Variants in UVSSA observed in about 807,000 individuals in gnomAD.
The protein encoded by UVSSA is UV stimulated scaffold protein A, also known as UV-stimulated scaffold protein A.
UVSSA carries 72 observed loss-of-function variants against 73.9 expected under a neutral mutation model. The observed-to-expected ratio is 0.97, with a 90% CI of 0.81 to 1.19. UVSSA has a LOEUF of 1.19. Ranked by LOEUF, UVSSA falls within the 50% of genes most tolerant of loss-of-function variation. UVSSA has a pLI of 0.00. For synonymous variants in UVSSA, 454 were observed against 391.3 expected (o/e 1.16, Z -1.89); for missense variants, 1,150 against 965.0 (o/e 1.19, Z -2.54).
At chr4:1,365,889 T>C (rs1717248064) in intron 7 of UVSSA, among the ~76,000 whole-genome samples, 3 of 150,174 alleles carry the variant, frequency 2.0e-5, no homozygotes, top group Admixed American at 6.6e-5. Context: ...CAGACGCACC[T>C]GCTCCACCTG....
chr4:1,369,045 G>A (rs906627600), intron 8 of UVSSA, among the ~76,000 whole-genome samples: 7 of 152,222 alleles, frequency 4.6e-5, no homozygotes, highest in Non-Finnish European at 1.0e-4. Flanking sequence ...TCACAGCCTT[G>A]CCTGGGGCAG....
At chr4:1,393,773 G>T (rs1034473158) in exon 14 of UVSSA, 3 of 154,406 alleles carry the variant, frequency 1.9e-5, no homozygotes, top group African/African-American at 7.2e-5. Context: ...TTTGAAGACT[G>T]GACACTTTAA....
chr4:1,365,121 C>T (rs1395358611), intron 7 of UVSSA, among the ~76,000 whole-genome samples: 3 of 152,242 alleles, frequency 2.0e-5, no homozygotes, highest in African/African-American at 7.2e-5. Context: ...GGCCATGTTA[C>T]TGAGCAGTGG....
intron 7 of UVSSA, among the ~76,000 whole-genome samples, chr4:1,359,919 G>C (rs191070455): frequency 6.6e-6 from 1 of 152,304 alleles, no homozygotes. Context: ...CCTGCTGTGC[G>C]TGAGGGAAAG....
chr4:1,361,838 C>T (rs549902806), intron 7 of UVSSA, among the ~76,000 whole-genome samples: 7 of 150,810 alleles, frequency 4.6e-5, no homozygotes, highest in Non-Finnish European at 7.4e-5. Context: ...ACTTGTCTGA[C>T]GAGGCCTTAC....
In UVSSA at chr4:1,386,037, G is replaced by A. The variant is rs1468806442; in HGVS notation, c.*76G>A. ...TCTCAGGACAGCAGAGTGGGCGTGGGTCTGGGCAGTAACCATGCTTTGTCT... is the reference window on the plus strand; with the variant it reads ...TCTCAGGACAGCAGAGTGGGCGTGGATCTGGGCAGTAACCATGCTTTGTCT... On this transcript the variant is annotated 3_prime_UTR_variant, in exon 14 of 14. Coordinates refer to ENST00000389851, the MANE Select transcript of UVSSA (RefSeq NM_020894.4). The A allele has an allele frequency of 3.5e-5, 50 of 1,444,380 alleles. No individual in the cohort carries two copies. The highest frequency in any genetic ancestry group is 4.9e-5 in the Non-Finnish European group (50 of 1,027,786). 89.5% of individuals were successfully genotyped at this position (1,444,380 alleles called of 1,614,324 possible).
intron 8 of UVSSA, 119 bp downstream of exon 8, chr4:1,366,550 C>T: frequency 1.4e-6 from 1 of 700,832 alleles, no homozygotes; most frequent in Non-Finnish European, 2.4e-6. Flanking sequence ...GTAACTGCTG[C>T]TTTGGTTTAA....
chr4:1,348,963 G>GT (rs1714179595), intron 2 of UVSSA, among the ~76,000 whole-genome samples: 2 of 151,398 alleles, frequency 1.3e-5, no homozygotes, highest in African/African-American at 4.9e-5. Flanking sequence ...GGCGGTGTGC[G>GT]TTGTGCCAGG....
intron 3 of UVSSA, 34 bp downstream of exon 3, chr4:1,349,888 G>C: frequency 6.7e-7 from 1 of 1,484,874 alleles, no homozygotes; most frequent in Non-Finnish European, 9.0e-7. Context: ...TCAGAGACTG[G>C]TTACCTGACG....
chr4:1,362,579 C>A (rs1716799294), intron 7 of UVSSA, among the ~76,000 whole-genome samples: 1 of 152,208 alleles, frequency 6.6e-6, no homozygotes, highest in Non-Finnish European at 1.5e-5. Flanking sequence ...GGTGTATGAT[C>A]TCCTTTCCTG....
chr4:1,363,823 A>G (rs1358004633), intron 7 of UVSSA, among the ~76,000 whole-genome samples: 3 of 152,256 alleles, frequency 2.0e-5, no homozygotes, highest in African/African-American at 4.8e-5. Context: ...CCTTTTGATC[A>G]GTGTTAGACT....
At position 1,353,270 on chromosome 4, in the gene UVSSA, C is replaced by G; in HGVS notation, c.791C>G (p.Pro264Arg). The G allele has an allele frequency of 6.2e-7, 1 of 1,611,322 alleles. No individual in the cohort carries two copies. The highest frequency in any genetic ancestry group is 8.5e-7 in the Non-Finnish European group (1 of 1,179,834). ...SRDLPASAGH[P>R]RAGGGAQPSQ... The stretch of plus-strand genomic sequence containing the variant: ...GACCTGCCTGCCTCTGCAGGCCACC[C>G]CAGAGCGGGCGGCGGGGCACAGCCA... The change falls in exon 5 of 14, where the codon CCC becomes CGC. Residue 264 changes from proline to arginine, a missense_variant. By Grantham distance (103) the Pro-to-Arg change is moderately radical (BLOSUM62 -2). Coordinates refer to ENST00000389851, the MANE Select transcript of UVSSA (RefSeq NM_020894.4).
At chr4:1,360,273 C>G (rs1408732864) in intron 7 of UVSSA, among the ~76,000 whole-genome samples, 1 of 152,238 alleles carries the variant, frequency 6.6e-6, no homozygotes, top group Non-Finnish European at 1.5e-5. Flanking sequence ...TGCCAGCCCT[C>G]CCTCCCACAC....
intron 7 of UVSSA, among the ~76,000 whole-genome samples, chr4:1,361,563 C>T (rs74491073): frequency 0.04 from 6,070 of 152,358 alleles, 251 homozygotes; most frequent in East Asian, 0.2. Flanking sequence ...GCCAGGTGCC[C>T]TTCCCGCACG....
chr4:1,351,775 C>A lies in UVSSA; in HGVS notation c.490C>A (p.Gln164Lys). The A allele has an allele frequency of 6.2e-7, 1 of 1,613,714 alleles. No homozygotes were observed. Among genetic ancestry groups the A allele is most frequent in the Non-Finnish European group, 8.5e-7 (1 of 1,179,886 alleles). The change falls in exon 4 of 14, where the codon CAG becomes AAG. Residue 164 changes from glutamine to lysine, a missense_variant. By Grantham distance (53) the Gln-to-Lys change is moderately conservative (BLOSUM62 1). Coordinates refer to ENST00000389851, the MANE Select transcript of UVSSA (RefSeq NM_020894.4). Reference protein sequence around the residue: ...LAERKREEEKQKHLDKIYQER... With the variant: ...LAERKREEEKKKHLDKIYQER... ...AGAAAGGAAGAGAGAAGAGGAGAAG[C>A]AGAAGCACTTGGATAAAATTTATCA... is the stretch of plus-strand genomic sequence containing the variant.
intron 7 of UVSSA, chr4:1,357,999 GCTT>G (rs1716040484): frequency 6.6e-6 from 1 of 152,454 alleles, no homozygotes; most frequent in Non-Finnish European, 1.5e-5. Context: ...CTGTCTCTGA[GCTT>G]CTGAGTGACT....
chr4:1,353,087 T>A lies in UVSSA; in HGVS notation c.608T>A (p.Leu203Gln), dbSNP rs367736394. Reference protein sequence around the residue: ...LTEVESCFRLLVPFDFDPNPE... With the variant: ...LTEVESCFRLQVPFDFDPNPE... Reference sequence around the variant, plus strand: ...GAGGTAGAGAGCTGCTTTAGGCTGCTGGTGCCTTTTGACTTTGACCCGAAC... The same window carrying A: ...GAGGTAGAGAGCTGCTTTAGGCTGCAGGTGCCTTTTGACTTTGACCCGAAC... Residue 203 changes from leucine (L) to glutamine (Q), a missense_variant, in exon 5 of 14, where the codon CTG (leucine) becomes CAG (glutamine). Physicochemically the swap from Leu to Gln is moderately radical, Grantham distance 113. Transcript: ENST00000389851. The A allele has an allele frequency of 3.9e-5, 63 of 1,612,954 alleles. No homozygotes were observed. The Middle Eastern group carries it at 7.4e-3, about 189-fold the overall frequency.
At chr4:1,374,045 C>A (rs1190734823) in intron 8 of UVSSA, among the ~76,000 whole-genome samples, 1 of 152,234 alleles carries the variant, frequency 6.6e-6, no homozygotes, top group East Asian at 1.9e-4. Context: ...TCTGCCGCAG[C>A]CAGGACGCCT....
At chr4:1,380,594 A>G (rs1470999760) in intron 11 of UVSSA, 1 of 1,440,492 alleles carries the variant, frequency 6.9e-7, no homozygotes, top group Non-Finnish European at 9.2e-7. Flanking sequence ...GCAGCTGGGC[A>G]TGGTGCAGGG....
Sources: gnomAD v4.1 joint callset for allele counts (sites outside exome capture counted in the v4.1 genomes callset) on GRCh38, gnomAD v4.1.1 for gene constraint, MANE v1.5 for transcripts, NCBI Gene and HGNC (gene_info 2026-07-23, HGNC 2026-07-21) for gene names.